OR10J1: variants seen among roughly 807,000 people sequenced by gnomAD.
The protein encoded by OR10J1 is olfactory receptor family 10 subfamily J member 1.
For synonymous variants in OR10J1, 202 were observed against 143.8 expected (o/e 1.40, Z -2.89); for missense variants, 474 against 376.6 (o/e 1.26, Z -2.14).
chr1:159,403,955 G>A, the OR10J1 span, among the ~76,000 whole-genome samples: 4 of 152,036 alleles, frequency 2.6e-5, no homozygotes, highest in African/African-American at 9.7e-5. Context: ...CAATCCAGTC[G>A]TTTGCAACAA....
the OR10J1 span, among the ~76,000 whole-genome samples, chr1:159,424,302 T>G: frequency 6.6e-6 from 1 of 150,794 alleles, no homozygotes; most frequent in Non-Finnish European, 1.5e-5. Context: ...AAAGAGGAAA[T>G]AATTTAATAT....
the OR10J1 span, among the ~76,000 whole-genome samples, chr1:159,404,132 AG>A: frequency 5.9e-5 from 9 of 151,942 alleles, no homozygotes; most frequent in Non-Finnish European, 1.2e-4. Context: ...CTTGAGGGGG[AG>A]GTGGGGATTG....
rs1005283098 is a variant in OR10J1, at chr1:159,440,962, A to C, written c.*241A>C. On this transcript the variant is annotated 3_prime_UTR_variant, in exon 1 of 1. Transcript: ENST00000423932. ...AAGATATGCCTAAATAAAAGGCCAG[A>C]AAGTAGTATGGGCTGAGAATTTTTT... 2.4e-6 allele frequency: 1 copy of C among 418,942 alleles called. No individual in the cohort carries two copies. Among genetic ancestry groups the C allele is most frequent in the African/African-American group, 2.0e-5 (1 of 50,222 alleles). The allele number at this position is 418,942 out of a possible 1,614,324, so 26.0% of individuals were successfully genotyped here.
chr1:159,411,664 T>C, the OR10J1 span, among the ~76,000 whole-genome samples: 1 of 152,154 alleles, frequency 6.6e-6, no homozygotes, highest in Non-Finnish European at 1.5e-5. Flanking sequence ...TTTGCCAGTC[T>C]GTGTCTGTTA....
At chr1:159,410,813 C>T in the OR10J1 span, among the ~76,000 whole-genome samples, 1 of 149,942 alleles carries the variant, frequency 6.7e-6, no homozygotes, top group South Asian at 2.1e-4. Flanking sequence ...TTGGATCTTT[C>T]CTGCTTTCTC....
chr1:159,416,491 T>C, the OR10J1 span, among the ~76,000 whole-genome samples: 1 of 151,938 alleles, frequency 6.6e-6, no homozygotes, highest in Non-Finnish European at 1.5e-5. Context: ...TTTGCTAGTA[T>C]TTTGTTTAGA....
At chr1:159,406,267 G>A in the OR10J1 span, 2 of 528,342 alleles carry the variant, frequency 3.8e-6, no homozygotes, top group African/African-American at 2.0e-5. Flanking sequence ...CAGGTACAAA[G>A]TTAGAAAGAC....
At chr1:159,403,520 A>G in the OR10J1 span, among the ~76,000 whole-genome samples, 1 of 152,210 alleles carries the variant, frequency 6.6e-6, no homozygotes, top group African/African-American at 2.4e-5. Context: ...AATGTGCTCA[A>G]CGTCATTGAT....
chr1:159,429,843 G>C, the OR10J1 span, among the ~76,000 whole-genome samples: 2 of 152,220 alleles, frequency 1.3e-5, no homozygotes, highest in African/African-American at 2.4e-5. Flanking sequence ...TAACTGAAAG[G>C]TCCTGGTAGG....
the OR10J1 span, among the ~76,000 whole-genome samples, chr1:159,409,334 G>C: frequency 1.2e-4 from 19 of 152,026 alleles, no homozygotes; most frequent in African/African-American, 4.3e-4. Context: ...ACTGCTCACC[G>C]ATTAAACCCA....
the OR10J1 span, among the ~76,000 whole-genome samples, chr1:159,413,884 A>T: frequency 6.6e-6 from 1 of 151,254 alleles, no homozygotes; most frequent in East Asian, 1.9e-4. Context: ...AAATAAAAAA[A>T]TATATTGCTT....
the OR10J1 span, among the ~76,000 whole-genome samples, chr1:159,408,075 T>C: frequency 2.0e-5 from 3 of 151,950 alleles, no homozygotes; most frequent in African/African-American, 7.2e-5. Flanking sequence ...GAAAAGTGAA[T>C]AAGGCTTATG....
chr1:159,401,143 C>T, the OR10J1 span, among the ~76,000 whole-genome samples: 3 of 141,404 alleles, frequency 2.1e-5, no homozygotes, highest in Non-Finnish European at 4.7e-5. Flanking sequence ...GTGCCTGCAC[C>T]AAAAAAAAAA....
At chr1:159,419,067 G>A in the OR10J1 span, among the ~76,000 whole-genome samples, 3 of 152,186 alleles carry the variant, frequency 2.0e-5, no homozygotes, top group Non-Finnish European at 1.5e-5. Context: ...TAACTAACTT[G>A]CTTTTGATTA....
At chr1:159,421,098 C>A in the OR10J1 span, among the ~76,000 whole-genome samples, 5 of 151,900 alleles carry the variant, frequency 3.3e-5, no homozygotes, top group Non-Finnish European at 7.4e-5. Context: ...CTTTTTTATT[C>A]TTTTAAAAAA....
chr1:159,417,767 T>C, the OR10J1 span, among the ~76,000 whole-genome samples: 1 of 152,210 alleles, frequency 6.6e-6, no homozygotes, highest in East Asian at 1.9e-4. Flanking sequence ...TTGGAACAGT[T>C]TGGAGGGCTT....
chr1:159,415,713 CTA>C, the OR10J1 span, among the ~76,000 whole-genome samples: 1 of 151,796 alleles, frequency 6.6e-6, no homozygotes, highest in Non-Finnish European at 1.5e-5. Context: ...AACGATATGA[CTA>C]ATATTCACTT....
upstream of OR10J1, among the ~76,000 whole-genome samples, chr1:159,437,105 C>T (rs1655757137): frequency 6.6e-6 from 1 of 152,110 alleles, no homozygotes; most frequent in Non-Finnish European, 1.5e-5. Flanking sequence ...GGAAAGTATT[C>T]AGTGAGAAGT....
chr1:159,423,045 T>A, the OR10J1 span, among the ~76,000 whole-genome samples: 1 of 152,240 alleles, frequency 6.6e-6, no homozygotes, highest in African/African-American at 2.4e-5. Context: ...GAATACCAGA[T>A]GCATCTAGTC....
Sources: allele counts gnomAD v4.1 joint callset (sites outside exome capture counted in the v4.1 genomes callset), GRCh38; gene constraint gnomAD v4.1.1; transcripts MANE v1.5; gene names NCBI Gene and HGNC (gene_info 2026-07-23, HGNC 2026-07-21).